AKAP6: variants seen among roughly 807,000 people sequenced by gnomAD.
The protein encoded by AKAP6 is A-kinase anchoring protein 6.
A neutral mutation model predicts 188.5 loss-of-function variants in AKAP6; 58 were observed. The ratio of observed to expected loss-of-function variants is 0.31; its 90% CI spans 0.25 to 0.38. The LOEUF is 0.38. Among genes scored for constraint, AKAP6 ranks in the 10% least tolerant of loss-of-function variants. AKAP6 has a pLI of 1.00. For synonymous variants in AKAP6, 989 were observed against 998.6 expected (o/e 0.99, Z 0.18); for missense variants, 2,710 against 2,740.0 (o/e 0.99, Z 0.24).
chr14:32,600,510 T>G, intron 6 of AKAP6, 119 bp from the exon 7 acceptor site: 5 of 1,131,418 alleles, frequency 4.4e-6, no homozygotes, highest in South Asian at 2.0e-5. Context: ...CAGGTGATGG[T>G]AATGGTCATT....
chr14:32,528,956 G>C (rs933093382), intron 2 of AKAP6, among the ~76,000 whole-genome samples: 5 of 152,158 alleles, frequency 3.3e-5, no homozygotes, highest in African/African-American at 1.2e-4. Flanking sequence ...AGGATTACAG[G>C]TGTGAGCCAC....
chr14:32,586,660 A>G (rs1885265113), intron 5 of AKAP6, among the ~76,000 whole-genome samples: 1 of 152,200 alleles, frequency 6.6e-6, no homozygotes, highest in Non-Finnish European at 1.5e-5. Context: ...CTATGTACTT[A>G]ACTTTGTTCC....
intron 2 of AKAP6, among the ~76,000 whole-genome samples, chr14:32,476,391 G>A (rs1879067513): frequency 6.6e-6 from 1 of 152,186 alleles, no homozygotes. Flanking sequence ...TTATTTGGAA[G>A]CCCCCAAAGT....
chr14:32,574,310 C>T (rs556919616), intron 4 of AKAP6, among the ~76,000 whole-genome samples: 3 of 152,160 alleles, frequency 2.0e-5, no homozygotes, highest in Non-Finnish European at 4.4e-5. Flanking sequence ...TGAGAGGACT[C>T]CTGTTTCCCC....
At chr14:32,578,121 G>A (rs1884810235) in intron 5 of AKAP6, among the ~76,000 whole-genome samples, 1 of 152,108 alleles carries the variant, frequency 6.6e-6, no homozygotes, top group African/African-American at 2.4e-5. Flanking sequence ...AATTTGGATT[G>A]AATAAACATT....
intron 1 of AKAP6, among the ~76,000 whole-genome samples, chr14:32,371,443 C>A (rs1258661480): frequency 5.3e-5 from 8 of 151,972 alleles, no homozygotes; most frequent in South Asian, 4.2e-4. Flanking sequence ...AAAACAAAAC[C>A]AAAAACCAAA....
chr14:32,779,641 CT>C (rs2033180448), intron 12 of AKAP6, among the ~76,000 whole-genome samples: 1 of 151,990 alleles, frequency 6.6e-6, no homozygotes, highest in African/African-American at 2.4e-5. Flanking sequence ...AATGTTTATG[CT>C]CTAAAACAGA....
intron 11 of AKAP6, among the ~76,000 whole-genome samples, chr14:32,769,144 C>G (rs1005828886): frequency 6.8e-6 from 1 of 146,462 alleles, no homozygotes; most frequent in East Asian, 2.0e-4. Context: ...ACCTCCTGGG[C>G]TCAAGCCATT....
At chr14:32,749,785 G>A (rs559870322) in intron 11 of AKAP6, among the ~76,000 whole-genome samples, 1 of 152,302 alleles carries the variant, frequency 6.6e-6, no homozygotes, top group South Asian at 2.1e-4. Flanking sequence ...TGAAGAGATG[G>A]AGGATTTGAA....
At chr14:32,517,618 G>A (rs566153368) in intron 2 of AKAP6, among the ~76,000 whole-genome samples, 11 of 152,308 alleles carry the variant, frequency 7.2e-5, no homozygotes, top group South Asian at 6.2e-4. Context: ...GTATGAGAGC[G>A]AACTGCAAGG....
At chr14:32,620,994 A>G (rs1457950428) in intron 7 of AKAP6, among the ~76,000 whole-genome samples, 2 of 151,876 alleles carry the variant, frequency 1.3e-5, no homozygotes, top group Non-Finnish European at 2.9e-5. Context: ...GTATTTCTGC[A>G]GTATTGGTCA....
chr14:32,676,979 A>G (rs1215746782), intron 7 of AKAP6, among the ~76,000 whole-genome samples: 11 of 152,092 alleles, frequency 7.2e-5, no homozygotes, highest in African/African-American at 2.7e-4. Flanking sequence ...GACTACAGGC[A>G]TGCGCCCGGG....
At chr14:32,754,402 C>T (rs2032256151) in intron 11 of AKAP6, among the ~76,000 whole-genome samples, 1 of 152,078 alleles carries the variant, frequency 6.6e-6, no homozygotes, top group Non-Finnish European at 1.5e-5. Context: ...TTCTCCTCCT[C>T]CCCCATTTTG....
chr14:32,514,860 A>G (rs1594697564), intron 2 of AKAP6, among the ~76,000 whole-genome samples: 1 of 152,190 alleles, frequency 6.6e-6, no homozygotes, highest in East Asian at 1.9e-4. Flanking sequence ...AGGAAAACAC[A>G]ACAAAAAGGG....
At chr14:32,333,081 C>CT (rs1262466486) in intron 1 of AKAP6, among the ~76,000 whole-genome samples, 21 of 152,160 alleles carry the variant, frequency 1.4e-4, no homozygotes, top group Non-Finnish European at 3.1e-4. Flanking sequence ...GCTCATTAGC[C>CT]TTTTCTAGGT....
chr14:32,649,870 C>T (rs1231004122), intron 7 of AKAP6, among the ~76,000 whole-genome samples: 3 of 152,054 alleles, frequency 2.0e-5, no homozygotes, highest in African/African-American at 7.2e-5. Flanking sequence ...TAACAAATGA[C>T]GAGAAGGCAC....
At chr14:32,375,998 A>G (rs978292711) in intron 1 of AKAP6, 8 of 152,252 alleles carry the variant, frequency 5.3e-5, no homozygotes, top group African/African-American at 1.9e-4. Context: ...AAACTGTACT[A>G]GGACTTCCAA....
chr14:32,415,961 T>G (rs1205236782), intron 1 of AKAP6, among the ~76,000 whole-genome samples: 1 of 152,236 alleles, frequency 6.6e-6, no homozygotes, highest in East Asian at 1.9e-4. Context: ...ATACTTGGGT[T>G]GCTTTCATTT....
intron 11 of AKAP6, among the ~76,000 whole-genome samples, chr14:32,756,180 G>T (rs2032325524): frequency 6.6e-6 from 1 of 152,158 alleles, no homozygotes. Context: ...CCTGGAGCTA[G>T]AATCTACCAG....
Sources: gnomAD v4.1 joint callset for allele counts (sites outside exome capture counted in the v4.1 genomes callset) on GRCh38, gnomAD v4.1.1 for gene constraint, MANE v1.5 for transcripts, NCBI Gene and HGNC (gene_info 2026-07-23, HGNC 2026-07-21) for gene names.